The following GSE1 variants were observed in gnomAD, a reference collection of about 807,000 sequenced individuals.
GSE1 encodes Gse1 coiled-coil protein.
A neutral mutation model predicts 112.6 loss-of-function variants in GSE1; 32 were observed. That is an observed-to-expected ratio of 0.28 (90% CI 0.21 to 0.38). The LOEUF is 0.38. GSE1 is among the 10% of genes least tolerant of loss of function. The pLI is 1.00. For synonymous variants in GSE1, 1,115 were observed against 735.6 expected (o/e 1.52, Z -8.35); for missense variants, 2,348 against 1,699.2 (o/e 1.38, Z -6.71).
intron 2 of GSE1, among the ~76,000 whole-genome samples, chr16:85,403,957 C>A (rs965072395): frequency 7.2e-5 from 11 of 152,178 alleles, no homozygotes; most frequent in African/African-American, 2.7e-4. Context: ...GCTTCCAGGG[C>A]TTGTGGCCGC....
chr16:85,623,699 C>T (rs1402028769), intron 1 of GSE1, among the ~76,000 whole-genome samples: 3 of 152,190 alleles, frequency 2.0e-5, no homozygotes, highest in Non-Finnish European at 2.9e-5. Flanking sequence ...TGTGGGCGTC[C>T]GCCCTGTTGG....
chr16:85,563,705 G>A (rs760516838), intron 1 of GSE1, among the ~76,000 whole-genome samples: 20 of 152,354 alleles, frequency 1.3e-4, no homozygotes, highest in Non-Finnish European at 2.6e-4. Flanking sequence ...CCGCCCAGTG[G>A]GCATTTGGCT....
intron 2 of GSE1, among the ~76,000 whole-genome samples, chr16:85,446,804 C>A (rs535342888): frequency 6.6e-6 from 1 of 152,170 alleles, no homozygotes; most frequent in African/African-American, 2.4e-5. Flanking sequence ...GTTGGCTCAT[C>A]TGTCTTAGGC....
At chr16:85,434,307 C>CTAA (rs59877761) in intron 2 of GSE1, among the ~76,000 whole-genome samples, 11,678 of 142,122 alleles carry the variant, frequency 0.082, 905 homozygotes, top group African/African-American at 0.21. Context: ...GGATGGTGGT[C>CTAA]TAATAATAAT....
chr16:85,308,953 G>C (rs1262769760), intron 1 of GSE1, among the ~76,000 whole-genome samples: 2 of 150,082 alleles, frequency 1.3e-5, no homozygotes, highest in Admixed American at 1.3e-4. Flanking sequence ...AGATGCACGG[G>C]AGGTCTGCAT....
chr16:85,295,926 C>G (rs1007994455), intron 1 of GSE1, among the ~76,000 whole-genome samples: 5 of 152,006 alleles, frequency 3.3e-5, no homozygotes, highest in Non-Finnish European at 5.9e-5. Context: ...TTTAATGGTC[C>G]CTTGCTTTGG....
intron 2 of GSE1, among the ~76,000 whole-genome samples, chr16:85,442,993 C>T (rs1338454683): frequency 2.0e-5 from 3 of 152,320 alleles, no homozygotes; most frequent in African/African-American, 7.2e-5. Context: ...CCGCCCATGG[C>T]GTCCTCCCTG....
chr16:85,656,052 G>C, intron 6 of GSE1, 135 bp downstream of exon 6: 1 of 720,580 alleles, frequency 1.4e-6, no homozygotes. Context: ...CTGCCAAATG[G>C]GACAATGATC....
intron 1 of GSE1, among the ~76,000 whole-genome samples, chr16:85,273,023 G>A (rs906114101): frequency 2.6e-5 from 4 of 152,272 alleles, no homozygotes; most frequent in Admixed American, 6.5e-5. Flanking sequence ...TGATCTGCCC[G>A]CCTCGGCCTC....
At chr16:85,182,077 G>A (rs1203123891) in intron 1 of GSE1, among the ~76,000 whole-genome samples, 2 of 152,166 alleles carry the variant, frequency 1.3e-5, no homozygotes, top group Admixed American at 6.5e-5. Flanking sequence ...CAGGCTGCGC[G>A]GCATCCCCAG....
chr16:85,240,849 A>G (rs776635655), intron 1 of GSE1, among the ~76,000 whole-genome samples: 14 of 152,180 alleles, frequency 9.2e-5, no homozygotes, highest in Non-Finnish European at 1.9e-4. Flanking sequence ...ATTCCAGCAC[A>G]GTCGGGGAGC....
chr16:85,254,565 G>A (rs1906863481), intron 1 of GSE1, among the ~76,000 whole-genome samples: 1 of 152,166 alleles, frequency 6.6e-6, no homozygotes. Flanking sequence ...CTTAGCTTCT[G>A]GGGGGCCCTT....
intron 2 of GSE1, among the ~76,000 whole-genome samples, chr16:85,390,408 G>A (rs2047810713): frequency 6.6e-6 from 1 of 152,092 alleles, no homozygotes; most frequent in Non-Finnish European, 1.5e-5. Context: ...GTGCCCCCCA[G>A]GGCTGTGCCT....
At chr16:85,521,334 C>G (rs190868531) in intron 2 of GSE1, among the ~76,000 whole-genome samples, 1 of 152,212 alleles carries the variant, frequency 6.6e-6, no homozygotes, top group Non-Finnish European at 1.5e-5. Flanking sequence ...AGAGGAGGAA[C>G]TGGAGCTCAG....
intron 2 of GSE1, among the ~76,000 whole-genome samples, chr16:85,512,073 G>A (rs2051765542): frequency 6.6e-6 from 1 of 152,164 alleles, no homozygotes; most frequent in Non-Finnish European, 1.5e-5. Flanking sequence ...TGCAATGTGT[G>A]GGTGGGAGCA....
At chr16:85,620,105 T>C (rs776911921) in intron 1 of GSE1, among the ~76,000 whole-genome samples, 6 of 152,028 alleles carry the variant, frequency 3.9e-5, no homozygotes, top group Non-Finnish European at 8.8e-5. Flanking sequence ...AGACCTCCTC[T>C]CTACAAAAAA....
intron 1 of GSE1, among the ~76,000 whole-genome samples, chr16:85,573,833 G>C (rs1009628952): frequency 1.3e-5 from 2 of 152,188 alleles, no homozygotes; most frequent in African/African-American, 4.8e-5. Context: ...CTGTGTTTCT[G>C]GGGAACTTCC....
At chr16:85,667,428 C>T (rs1055840027) in intron 13 of GSE1, among the ~76,000 whole-genome samples, 8 of 152,254 alleles carry the variant, frequency 5.3e-5, no homozygotes, top group African/African-American at 1.9e-4. Context: ...ACAGGGCATG[C>T]CCTCTTGAAA....
intron 1 of GSE1, among the ~76,000 whole-genome samples, chr16:85,244,331 G>A (rs1259061771): frequency 1.3e-5 from 2 of 152,168 alleles, no homozygotes; most frequent in Admixed American, 6.5e-5. Context: ...GCCAAGGGAT[G>A]TAGGTGGCTT....
Sources: allele counts gnomAD v4.1 joint callset (sites outside exome capture counted in the v4.1 genomes callset), GRCh38; gene constraint gnomAD v4.1.1; transcripts MANE v1.5; gene names NCBI Gene and HGNC (gene_info 2026-07-23, HGNC 2026-07-21).